ZBTB20: variants seen among roughly 807,000 people sequenced by gnomAD.
ZBTB20 encodes the protein zinc finger and BTB domain-containing protein 20.
A neutral mutation model predicts 56.9 loss-of-function variants in ZBTB20; 9 were observed. The ratio of observed to expected loss-of-function variants is 0.16; its 90% CI spans 0.10 to 0.28. ZBTB20 has a LOEUF of 0.28. Ranked by LOEUF, ZBTB20 falls within the 10% of genes least tolerant of loss-of-function variation. ZBTB20 has a pLI of 1.00. For missense variants in ZBTB20, 655 were observed against 1,003.0 expected (o/e 0.65, Z 4.69); for synonymous variants, 417 against 420.7 (o/e 0.99, Z 0.11).
chr3:114,941,929 T>G (rs765486349), intron 3 of ZBTB20, among the ~76,000 whole-genome samples: 1 of 146,118 alleles, frequency 6.8e-6, no homozygotes, highest in Non-Finnish European at 1.5e-5. Flanking sequence ...GTGACAATAT[T>G]TCAGGAAAAA....
At chr3:114,525,602 C>G (rs1037671500) in intron 6 of ZBTB20, among the ~76,000 whole-genome samples, 1 of 152,134 alleles carries the variant, frequency 6.6e-6, no homozygotes, top group African/African-American at 2.4e-5. Flanking sequence ...CCTAACAACA[C>G]CAGCTGCTTT....
intron 5 of ZBTB20, among the ~76,000 whole-genome samples, chr3:114,694,551 T>C (rs898246445): frequency 6.6e-6 from 1 of 151,748 alleles, no homozygotes; most frequent in Non-Finnish European, 1.5e-5. Context: ...AAGAACCCTA[T>C]AGAATTTTTT....
chr3:114,574,564 T>A (rs1329015732), intron 6 of ZBTB20, among the ~76,000 whole-genome samples: 1 of 152,222 alleles, frequency 6.6e-6, no homozygotes, highest in Non-Finnish European at 1.5e-5. Context: ...TTTTTAGCCA[T>A]TCTATTTGAC....
At chr3:115,046,015 G>C (rs2081321371) in intron 2 of ZBTB20, among the ~76,000 whole-genome samples, 1 of 152,094 alleles carries the variant, frequency 6.6e-6, no homozygotes, top group South Asian at 2.1e-4. Context: ...CCATAGATCA[G>C]GTGAAATTTT....
chr3:114,417,702 T>A (rs1229939259), intron 7 of ZBTB20, among the ~76,000 whole-genome samples: 1 of 152,076 alleles, frequency 6.6e-6, no homozygotes, highest in Non-Finnish European at 1.5e-5. Flanking sequence ...TCCTTCCAGA[T>A]GAATATACTC....
intron 1 of ZBTB20, among the ~76,000 whole-genome samples, chr3:115,146,103 C>T (rs926139572): frequency 6.6e-6 from 1 of 152,174 alleles, no homozygotes; most frequent in Non-Finnish European, 1.5e-5. Flanking sequence ...CAGTACTACA[C>T]CCGCAAGCTT....
intron 4 of ZBTB20, among the ~76,000 whole-genome samples, chr3:114,874,976 T>G (rs2076139123): frequency 6.6e-6 from 1 of 152,210 alleles, no homozygotes; most frequent in African/African-American, 2.4e-5. Flanking sequence ...AGCAATGTCC[T>G]GCCCAAACTA....
At chr3:115,114,298 G>A (rs2083960568) in intron 1 of ZBTB20, among the ~76,000 whole-genome samples, 1 of 152,208 alleles carries the variant, frequency 6.6e-6, no homozygotes, top group African/African-American at 2.4e-5. Context: ...TATAATGGTT[G>A]TCATGGGTGC....
At chr3:114,352,757 T>C (rs2080810230) in intron 10 of ZBTB20, among the ~76,000 whole-genome samples, 1 of 152,226 alleles carries the variant, frequency 6.6e-6, no homozygotes, top group South Asian at 2.1e-4. Flanking sequence ...TTGGTGATCA[T>C]ATTTATTATG....
At chr3:114,597,056 A>ATG (rs34356211) in intron 6 of ZBTB20, among the ~76,000 whole-genome samples, 14,681 of 152,194 alleles carry the variant, frequency 0.096, 934 homozygotes, top group Non-Finnish European at 0.14. Flanking sequence ...ATATATATAT[A>ATG]TAAAGGCCCA....
intron 5 of ZBTB20, among the ~76,000 whole-genome samples, chr3:114,703,156 A>C (rs2063499025): frequency 6.6e-6 from 1 of 152,154 alleles, no homozygotes; most frequent in South Asian, 2.1e-4. Context: ...TTCAGGAAGC[A>C]CCAATTCATT....
intron 7 of ZBTB20, among the ~76,000 whole-genome samples, chr3:114,441,436 C>T (rs534428718): frequency 6.6e-6 from 1 of 152,194 alleles, no homozygotes; most frequent in African/African-American, 2.4e-5. Flanking sequence ...AAACTGGCTT[C>T]GGTGATTTCT....
chr3:114,996,655 C>T (rs1033290797), intron 2 of ZBTB20, among the ~76,000 whole-genome samples: 3 of 151,788 alleles, frequency 2.0e-5, no homozygotes, highest in Non-Finnish European at 4.4e-5. Context: ...GTGAACAGTG[C>T]CACAATAAAC....
chr3:115,084,265 C>A (rs2082902812), intron 1 of ZBTB20, among the ~76,000 whole-genome samples: 1 of 138,734 alleles, frequency 7.2e-6, no homozygotes, highest in South Asian at 2.4e-4. Context: ...ACCAGGCTTA[C>A]CATACTGCAT....
At chr3:114,418,261 C>T (rs2088784933) in intron 7 of ZBTB20, among the ~76,000 whole-genome samples, 1 of 152,074 alleles carries the variant, frequency 6.6e-6, no homozygotes, top group African/African-American at 2.4e-5. Context: ...ATACAGAAAT[C>T]TAAGTACAAC....
chr3:114,703,383 T>C (rs754700871), intron 5 of ZBTB20, among the ~76,000 whole-genome samples: 3 of 152,144 alleles, frequency 2.0e-5, no homozygotes. Flanking sequence ...TTTGTATTTG[T>C]ACATTTCAAG....
At chr3:114,696,364 C>T (rs2063011438) in intron 5 of ZBTB20, among the ~76,000 whole-genome samples, 1 of 151,908 alleles carries the variant, frequency 6.6e-6, no homozygotes, top group Admixed American at 6.6e-5. Context: ...TTCAATAGTT[C>T]CTCCTCACAC....
intron 6 of ZBTB20, among the ~76,000 whole-genome samples, chr3:114,581,926 T>C (rs1348003452): frequency 1.3e-5 from 2 of 152,174 alleles, no homozygotes; most frequent in African/African-American, 2.4e-5. Context: ...TATATGTCTA[T>C]AAAAATGTTA....
intron 1 of ZBTB20, among the ~76,000 whole-genome samples, chr3:115,090,391 C>T (rs1441514857): frequency 6.6e-6 from 1 of 150,980 alleles, no homozygotes. Context: ...AACTTTTTTC[C>T]CTCTATTTTT....
Sources: gnomAD v4.1 joint callset for allele counts (sites outside exome capture counted in the v4.1 genomes callset) on GRCh38, gnomAD v4.1.1 for gene constraint, MANE v1.5 for transcripts, NCBI Gene and HGNC (gene_info 2026-07-23, HGNC 2026-07-21) for gene names.